Variants in CAST observed in about 807,000 individuals in gnomAD.
The protein encoded by CAST is MIR583 host.
CAST carries 76 observed loss-of-function variants against 119.6 expected under a neutral mutation model. That is an observed-to-expected ratio of 0.64 (90% CI 0.53 to 0.77). The LOEUF (loss-of-function observed/expected upper bound fraction) is 0.77, where lower values mean the gene tolerates loss of function less well. CAST is among the 30% of genes least tolerant of loss of function. The pLI is 0.00. For missense variants in CAST, 953 were observed against 946.5 expected, an observed-to-expected ratio of 1.01 and a Z score of -0.09; for synonymous variants, 319 against 331.6, an observed-to-expected ratio of 0.96 and a Z score of 0.41.
At chr5:96,611,557 A>C (rs1303360572) in intron 1 of CAST, among the ~76,000 whole-genome samples, 3 of 128,768 alleles carry the variant, frequency 2.3e-5, no homozygotes, top group African/African-American at 7.6e-5. Flanking sequence ...TAGGGAAAGA[A>C]TTTATGCTTT....
chr5:96,511,888 T>A, the CAST span, among the ~76,000 whole-genome samples: 1 of 152,200 alleles, frequency 6.6e-6, no homozygotes, highest in African/African-American at 2.4e-5. Context: ...GTCCTTCACA[T>A]CCAACCTCTT....
At chr5:96,459,427 T>A in the CAST span, among the ~76,000 whole-genome samples, 41 of 152,276 alleles carry the variant, frequency 2.7e-4, no homozygotes, top group Admixed American at 6.5e-4. Flanking sequence ...GGGCACTGGA[T>A]GAATAAAGCC....
At chr5:96,074,692 T>C in the CAST span, among the ~76,000 whole-genome samples, 7 of 152,330 alleles carry the variant, frequency 4.6e-5, no homozygotes, top group East Asian at 1.2e-3. Flanking sequence ...TTTTACCCTG[T>C]AGTACCTTGG....
intron 1 of CAST, among the ~76,000 whole-genome samples, chr5:96,634,679 C>T (rs993984332): frequency 1.3e-5 from 2 of 152,176 alleles, no homozygotes; most frequent in Non-Finnish European, 2.9e-5. Context: ...TAATGTTGTG[C>T]CCAACACAGT....
At chr5:96,511,293 C>T in the CAST span, among the ~76,000 whole-genome samples, 8 of 152,016 alleles carry the variant, frequency 5.3e-5, no homozygotes, top group African/African-American at 1.9e-4. Context: ...TACAGGCGCC[C>T]GCCACCACGC....
In CAST at chr5:96,773,168, C is replaced by T. The variant is rs1236762581; in HGVS notation, c.*552C>T. Reference sequence around the variant, plus strand: ...AACATAAGATATTGTACATTGGGCACATATCTCCTCTTGGGCTGCTAATAA... The same window carrying T: ...AACATAAGATATTGTACATTGGGCATATATCTCCTCTTGGGCTGCTAATAA... On this transcript the variant is annotated 3_prime_UTR_variant, in exon 32 of 32. Coordinates refer to ENST00000675179, the MANE Select transcript of CAST (RefSeq NM_001750.7). The T allele has an allele frequency of 6.5e-6, 1 of 153,782 alleles. No individual in the cohort carries two copies. The highest frequency in any genetic ancestry group is 1.5e-5 in the Non-Finnish European group (1 of 68,008). The allele number at this position is 153,782 out of a possible 1,614,324, so 9.5% of individuals were successfully genotyped here. A position where few individuals can be genotyped will look rare whatever the true frequency, so the allele number is the denominator to read the frequency against.
At chr5:96,703,003 C>T in intron 3 of CAST, 6 of 933,856 alleles carry the variant, frequency 6.4e-6, no homozygotes, top group Middle Eastern at 5.5e-4. Context: ...CCTGCGTGTC[C>T]GGGGCCTGGT....
At chr5:96,087,236 C>T in the CAST span, among the ~76,000 whole-genome samples, 1,044 of 152,322 alleles carry the variant, frequency 6.9e-3, 4 homozygotes, top group African/African-American at 0.024. Context: ...GTTATTTCAT[C>T]AGAGGTTTCA....
At chr5:96,364,670 T>A in the CAST span, among the ~76,000 whole-genome samples, 3 of 152,214 alleles carry the variant, frequency 2.0e-5, no homozygotes, top group African/African-American at 7.2e-5. Context: ...GGTGGTGATA[T>A]CCCCTTTATC....
chr5:96,148,335 T>C, the CAST span, among the ~76,000 whole-genome samples: 1 of 152,208 alleles, frequency 6.6e-6, no homozygotes, highest in Non-Finnish European at 1.5e-5. Flanking sequence ...CAGTCACCTG[T>C]CTGTTCGGCA....
At chr5:96,365,306 T>C in the CAST span, among the ~76,000 whole-genome samples, 2 of 152,222 alleles carry the variant, frequency 1.3e-5, no homozygotes, top group African/African-American at 2.4e-5. Context: ...ATCTGTTGAT[T>C]TGGGGTGAAG....
the CAST span, among the ~76,000 whole-genome samples, chr5:96,234,944 A>T: frequency 1.3e-5 from 2 of 152,332 alleles, no homozygotes; most frequent in South Asian, 4.1e-4. Context: ...TGCAATGATT[A>T]TCATAATGAA....
intron 1 of CAST, among the ~76,000 whole-genome samples, chr5:96,634,005 G>A (rs1036614863): frequency 6.6e-6 from 1 of 152,170 alleles, no homozygotes; most frequent in South Asian, 2.1e-4. Flanking sequence ...CAAATGGAGA[G>A]AAGTGATTTT....
intron 22 of CAST, 105 bp from the exon 23 acceptor site, chr5:96,757,339 A>G: frequency 2.0e-6 from 2 of 1,007,762 alleles, no homozygotes; most frequent in South Asian, 1.3e-5. Context: ...TTTAAAATGT[A>G]CAACAGCAAG....
the CAST span, among the ~76,000 whole-genome samples, chr5:96,372,302 CTTTA>C: frequency 6.6e-6 from 1 of 152,094 alleles, no homozygotes; most frequent in Non-Finnish European, 1.5e-5. Context: ...TTCTTCAGTC[CTTTA>C]TTTGTTTTTC....
At chr5:96,153,459 G>A in the CAST span, among the ~76,000 whole-genome samples, 1 of 152,204 alleles carries the variant, frequency 6.6e-6, no homozygotes. Context: ...TTCTGGTGCA[G>A]GATGGAGCTT....
chr5:96,633,886 G>A (rs1344330865), intron 1 of CAST, among the ~76,000 whole-genome samples: 1 of 152,180 alleles, frequency 6.6e-6, no homozygotes, highest in African/African-American at 2.4e-5. Context: ...GCCTTCCCCT[G>A]TTAAAATCTA....
chr5:96,718,893 C>T (rs1018410380), intron 3 of CAST, among the ~76,000 whole-genome samples: 9 of 151,990 alleles, frequency 5.9e-5, no homozygotes, highest in East Asian at 1.9e-4. Flanking sequence ...CTGACGCATC[C>T]GATGCCCCAC....
the CAST span, among the ~76,000 whole-genome samples, chr5:96,250,585 C>T: frequency 1.3e-5 from 2 of 152,072 alleles, no homozygotes; most frequent in Non-Finnish European, 2.9e-5. Flanking sequence ...GCATCACATG[C>T]TCAATCCTAA....
Sources: allele counts gnomAD v4.1 joint callset (sites outside exome capture counted in the v4.1 genomes callset), GRCh38; gene constraint gnomAD v4.1.1; transcripts MANE v1.5; gene names NCBI Gene and HGNC (gene_info 2026-07-23, HGNC 2026-07-21).